Variants in KCNMA1 observed in about 807,000 individuals in gnomAD.
KCNMA1 encodes potassium calcium-activated channel subfamily M alpha 1.
In KCNMA1, 29 loss-of-function variants were observed where a neutral mutation model predicts 140.0. The ratio of observed to expected loss-of-function variants is 0.21; its 90% confidence interval spans 0.15 to 0.28. The LOEUF (loss-of-function observed/expected upper bound fraction) is 0.28, where lower values mean the gene tolerates loss of function less well. KCNMA1 is among the 10% of genes least tolerant of loss of function. The pLI, the probability that KCNMA1 is intolerant of heterozygous loss-of-function variation, is 1.00. For missense variants in KCNMA1, 880 were observed against 1,602.2 expected, an observed-to-expected ratio of 0.55 and a Z score of 7.70; for synonymous variants, 612 against 611.9, an observed-to-expected ratio of 1.00 and a Z score of 0.00.
chr10:77,596,519 C>T (rs190051580), intron 1 of KCNMA1, among the ~76,000 whole-genome samples: 141 of 152,232 alleles, frequency 9.3e-4, no homozygotes, highest in African/African-American at 3.1e-3. Flanking sequence ...CCATAACATC[C>T]GGAGATTGGG....
chr10:77,196,370 G>C (rs953536427), intron 3 of KCNMA1, among the ~76,000 whole-genome samples: 11 of 152,124 alleles, frequency 7.2e-5, no homozygotes, highest in Non-Finnish European at 1.6e-4. Flanking sequence ...CCTTCGCCAA[G>C]CCCCCAGATG....
intron 1 of KCNMA1, among the ~76,000 whole-genome samples, chr10:77,554,964 A>T (rs1009303147): frequency 1.3e-5 from 2 of 152,004 alleles, no homozygotes; most frequent in Admixed American, 1.3e-4. Flanking sequence ...CTTTTCTCAT[A>T]ATATGAAAGT....
intron 21 of KCNMA1, among the ~76,000 whole-genome samples, chr10:76,952,364 C>T (rs989380940): frequency 3.3e-5 from 5 of 151,976 alleles, no homozygotes; most frequent in Non-Finnish European, 7.4e-5. Context: ...ACTAAAAATA[C>T]AAAAAAATAA....
At chr10:77,614,660 T>G (rs1032172773) in intron 1 of KCNMA1, among the ~76,000 whole-genome samples, 4 of 152,162 alleles carry the variant, frequency 2.6e-5, no homozygotes, top group African/African-American at 9.7e-5. Context: ...AACTGAGGCA[T>G]GAGGAGGGTA....
At chr10:77,473,282 G>A (rs2098206580) in intron 1 of KCNMA1, among the ~76,000 whole-genome samples, 1 of 152,228 alleles carries the variant, frequency 6.6e-6, no homozygotes, top group South Asian at 2.1e-4. Flanking sequence ...GGCATTGGAG[G>A]AGTTGCTGGA....
chr10:77,458,155 A>G (rs1264573522), intron 1 of KCNMA1, among the ~76,000 whole-genome samples: 1 of 152,230 alleles, frequency 6.6e-6, no homozygotes, highest in African/African-American at 2.4e-5. Context: ...TCTGAATTCC[A>G]TCAGCCACAA....
chr10:77,532,508 CTT>C (rs2057905679), intron 1 of KCNMA1, among the ~76,000 whole-genome samples: 1 of 152,172 alleles, frequency 6.6e-6, no homozygotes, highest in Non-Finnish European at 1.5e-5. Context: ...TTTTCCCAGA[CTT>C]TTTCACTCAT....
intron 6 of KCNMA1, among the ~76,000 whole-genome samples, chr10:77,119,515 C>T (rs1230957600): frequency 6.6e-6 from 1 of 152,162 alleles, no homozygotes; most frequent in Non-Finnish European, 1.5e-5. Flanking sequence ...CTTTAAAACA[C>T]AGTCTAGTGG....
intron 3 of KCNMA1, among the ~76,000 whole-genome samples, chr10:77,198,704 C>T (rs763672119): frequency 4.3e-4 from 65 of 151,842 alleles, no homozygotes; most frequent in African/African-American, 1.5e-3. Context: ...AACTAGTTTC[C>T]TGTAAACTCC....
At chr10:77,410,767 C>T (rs993662423) in intron 1 of KCNMA1, among the ~76,000 whole-genome samples, 3 of 152,218 alleles carry the variant, frequency 2.0e-5, no homozygotes, top group African/African-American at 7.2e-5. Flanking sequence ...AGTCCCGTCT[C>T]GGGGCTGTCT....
chr10:77,445,365 G>GAC (rs33995063), intron 1 of KCNMA1, among the ~76,000 whole-genome samples: 1,955 of 141,220 alleles, frequency 0.014, 21 homozygotes, highest in East Asian at 0.053. Flanking sequence ...CACATACACA[G>GAC]ACACACACAC....
chr10:77,309,324 G>C (rs2078656317), intron 2 of KCNMA1, among the ~76,000 whole-genome samples: 1 of 152,184 alleles, frequency 6.6e-6, no homozygotes, highest in African/African-American at 2.4e-5. Flanking sequence ...TATACCAGGT[G>C]CTTCGAGGCT....
intron 1 of KCNMA1, among the ~76,000 whole-genome samples, chr10:77,473,685 C>T (rs1386755018): frequency 1.3e-5 from 2 of 152,062 alleles, no homozygotes; most frequent in African/African-American, 2.4e-5. Context: ...TGGGCCAGTG[C>T]GACCTTTCCA....
At chr10:77,330,169 C>G (rs1196755275) in intron 2 of KCNMA1, among the ~76,000 whole-genome samples, 1 of 152,144 alleles carries the variant, frequency 6.6e-6, no homozygotes, top group Non-Finnish European at 1.5e-5. Context: ...CACCCACCCA[C>G]CCACTGAGTT....
intron 2 of KCNMA1, among the ~76,000 whole-genome samples, chr10:77,317,577 G>A (rs2154351350): frequency 1.3e-5 from 2 of 152,340 alleles, no homozygotes; most frequent in South Asian, 4.1e-4. Context: ...GGAGCCTCAG[G>A]AGGAGGGTTG....
At chr10:77,602,961 C>A (rs1445291879) in intron 1 of KCNMA1, among the ~76,000 whole-genome samples, 1 of 152,184 alleles carries the variant, frequency 6.6e-6, no homozygotes, top group Non-Finnish European at 1.5e-5. Flanking sequence ...ACAAGAGAGG[C>A]GGCCCTCTTC....
At chr10:77,360,493 G>C (rs1052379932) in intron 2 of KCNMA1, among the ~76,000 whole-genome samples, 1 of 152,154 alleles carries the variant, frequency 6.6e-6, no homozygotes, top group Non-Finnish European at 1.5e-5. Flanking sequence ...GAAGAAGAAA[G>C]AGTTGAGTCT....
intron 2 of KCNMA1, among the ~76,000 whole-genome samples, chr10:77,316,654 A>G (rs569872392): frequency 1.3e-5 from 2 of 152,154 alleles, no homozygotes; most frequent in Non-Finnish European, 2.9e-5. Flanking sequence ...CTGGCTATCT[A>G]TGCTGGAACC....
intron 1 of KCNMA1, among the ~76,000 whole-genome samples, chr10:77,484,046 C>T (rs1346632749): frequency 3.3e-5 from 5 of 152,204 alleles, no homozygotes; most frequent in Admixed American, 3.3e-4. Context: ...AACAAAGTCA[C>T]CTACGGTGCA....
Sources: gnomAD v4.1 joint callset for allele counts (sites outside exome capture counted in the v4.1 genomes callset) on GRCh38, gnomAD v4.1.1 for gene constraint, MANE v1.5 for transcripts, NCBI Gene and HGNC (gene_info 2026-07-23, HGNC 2026-07-21) for gene names.